RAB3C: variants seen among roughly 807,000 people sequenced by gnomAD.
RAB3C encodes the protein ras-related protein Rab-3C.
RAB3C carries 17 observed loss-of-function variants against 26.4 expected under a neutral mutation model. The ratio of observed to expected loss-of-function variants is 0.64; its 90% CI spans 0.44 to 0.97. The LOEUF (loss-of-function observed/expected upper bound fraction) is 0.97, where lower values mean the gene tolerates loss of function less well. RAB3C is among the 50% of genes least tolerant of loss of function. The pLI, the probability that RAB3C is intolerant of heterozygous loss-of-function variation, is 0.00. For synonymous variants in RAB3C, 91 were observed against 95.9 expected (o/e 0.95, Z 0.30); for missense variants, 242 against 281.9 (o/e 0.86, Z 1.01).
intron 3 of RAB3C, among the ~76,000 whole-genome samples, chr5:58,736,445 G>T (rs1202353282): frequency 6.6e-6 from 1 of 152,134 alleles, no homozygotes; most frequent in Non-Finnish European, 1.5e-5. Context: ...CCCATAAAAC[G>T]AATTCCTCCT....
At chr5:58,777,641 A>C (rs1481832221) in intron 3 of RAB3C, among the ~76,000 whole-genome samples, 4 of 149,522 alleles carry the variant, frequency 2.7e-5, no homozygotes, top group South Asian at 2.1e-4. Context: ...ACATGTGCAC[A>C]ACGTGCAGGT....
At chr5:58,795,185 T>A (rs1742615873) in intron 3 of RAB3C, among the ~76,000 whole-genome samples, 1 of 152,218 alleles carries the variant, frequency 6.6e-6, no homozygotes, top group Non-Finnish European at 1.5e-5. Flanking sequence ...ATGTAAGATG[T>A]GATTTTGCTC....
At chr5:58,834,646 T>G (rs1318697119) in intron 4 of RAB3C, among the ~76,000 whole-genome samples, 1 of 152,244 alleles carries the variant, frequency 6.6e-6, no homozygotes, top group Non-Finnish European at 1.5e-5. Context: ...AGTACCTATC[T>G]GCACACACCT....
At chr5:58,792,347 G>A (rs994752428) in intron 3 of RAB3C, among the ~76,000 whole-genome samples, 4 of 152,170 alleles carry the variant, frequency 2.6e-5, no homozygotes, top group Non-Finnish European at 5.9e-5. Context: ...TGGCTATGGG[G>A]GCAAAACCTT....
intron 3 of RAB3C, among the ~76,000 whole-genome samples, chr5:58,808,504 TCTG>T (rs1307871918): frequency 6.6e-6 from 1 of 152,228 alleles, no homozygotes; most frequent in Non-Finnish European, 1.5e-5. Context: ...TTTAGGTTGA[TCTG>T]CTAAGTAAAC....
chr5:58,629,312 G>A (rs996757270), intron 2 of RAB3C, among the ~76,000 whole-genome samples: 2 of 152,118 alleles, frequency 1.3e-5, no homozygotes, highest in Non-Finnish European at 2.9e-5. Context: ...GCTATGTATA[G>A]CTGGACAGTA....
At chr5:58,658,638 G>A (rs1747833381) in intron 2 of RAB3C, among the ~76,000 whole-genome samples, 1 of 152,110 alleles carries the variant, frequency 6.6e-6, no homozygotes, top group East Asian at 1.9e-4. Flanking sequence ...CTATTCTGTG[G>A]GTCAGCAATT....
intron 2 of RAB3C, among the ~76,000 whole-genome samples, chr5:58,717,022 T>C (rs1225417945): frequency 6.6e-6 from 1 of 151,876 alleles, no homozygotes; most frequent in African/African-American, 2.4e-5. Flanking sequence ...ACCACTCGGG[T>C]GGGGGATGTT....
In RAB3C at chr5:58,652,391, G is replaced by A. The variant is rs145592167; in HGVS notation, c.252+34521G>A. Among the ~76,000 whole-genome samples the A allele has an allele frequency of 4.3e-3, 658 of 151,704 alleles. 4 individuals carry two copies. The highest frequency in any genetic ancestry group is 0.015 in the South Asian group (72 of 4,790). On this transcript the variant is annotated intron_variant, in intron 2 of 4. Coordinates refer to ENST00000282878, the MANE Select transcript of RAB3C (RefSeq NM_138453.4). ...CTACAATCAATTTATATTCTCCAAG[G>A]AGGAGAAACTTATCTTTTTTTCTTA...
intron 4 of RAB3C, among the ~76,000 whole-genome samples, chr5:58,829,945 C>G (rs1743575485): frequency 6.6e-6 from 1 of 152,060 alleles, no homozygotes; most frequent in African/African-American, 2.4e-5. Context: ...AGTCATAAAA[C>G]GTGTATCTTC....
chr5:58,634,948 A>T (rs1193771061), intron 2 of RAB3C, among the ~76,000 whole-genome samples: 2 of 152,168 alleles, frequency 1.3e-5, no homozygotes, highest in East Asian at 3.9e-4. Context: ...ACTGATAGAG[A>T]TAGTGAGGTA....
chr5:58,673,597 C>T (rs1014388213), intron 2 of RAB3C, among the ~76,000 whole-genome samples: 2 of 152,058 alleles, frequency 1.3e-5, no homozygotes, highest in Admixed American at 6.6e-5. Flanking sequence ...GGGTTTGACC[C>T]AAGGATTTTA....
At chr5:58,597,706 TATA>T (rs370795623) in intron 1 of RAB3C, among the ~76,000 whole-genome samples, 1,745 of 55,796 alleles carry the variant, frequency 0.031, 120 homozygotes, top group Middle Eastern at 0.15. Context: ...AAGTATATAA[TATA>T]ATATAGTACA....
At chr5:58,804,681 G>A (rs868072505) in intron 3 of RAB3C, among the ~76,000 whole-genome samples, 1 of 152,064 alleles carries the variant, frequency 6.6e-6, no homozygotes, top group Non-Finnish European at 1.5e-5. Context: ...GTGTGTGTGT[G>A]TGTGTGTGTA....
intron 3 of RAB3C, among the ~76,000 whole-genome samples, chr5:58,795,046 G>A (rs947137292): frequency 4.6e-5 from 7 of 152,178 alleles, no homozygotes; most frequent in African/African-American, 7.2e-5. Flanking sequence ...GGAGACACCC[G>A]GTGGGAGGTA....
chr5:58,812,658 G>A (rs1162871051), intron 3 of RAB3C, among the ~76,000 whole-genome samples: 1 of 152,146 alleles, frequency 6.6e-6, no homozygotes, highest in African/African-American at 2.4e-5. Flanking sequence ...ATAGTATTTT[G>A]CTTTTGTTTT....
At chr5:58,731,987 AC>A (rs1253454954) in intron 3 of RAB3C, among the ~76,000 whole-genome samples, 6 of 152,198 alleles carry the variant, frequency 3.9e-5, no homozygotes, top group African/African-American at 1.4e-4. Flanking sequence ...GAAGGAATGA[AC>A]AAGTGACCAA....
At chr5:58,599,692 T>A (rs1746407801) in intron 1 of RAB3C, among the ~76,000 whole-genome samples, 1 of 149,762 alleles carries the variant, frequency 6.7e-6, no homozygotes, top group South Asian at 2.1e-4. Context: ...TCCTTTTTCT[T>A]TTTTTTTTCT....
chr5:58,635,037 G>A (rs1251078979), intron 2 of RAB3C, among the ~76,000 whole-genome samples: 2 of 152,154 alleles, frequency 1.3e-5, no homozygotes, highest in Non-Finnish European at 2.9e-5. Context: ...ATTAACTAAA[G>A]GTACCACAGT....
Sources: gnomAD v4.1 joint callset for allele counts (sites outside exome capture counted in the v4.1 genomes callset) on GRCh38, gnomAD v4.1.1 for gene constraint, MANE v1.5 for transcripts, NCBI Gene and HGNC (gene_info 2026-07-23, HGNC 2026-07-21) for gene names.